The following EPB41L2 variants were observed in gnomAD, a reference collection of about 807,000 sequenced individuals.
The protein encoded by EPB41L2 is erythrocyte membrane protein band 4.1 like 2, also known as band 4.1-like protein 2.
EPB41L2 carries 43 observed loss-of-function variants against 113.0 expected under a neutral mutation model. The ratio of observed to expected loss-of-function variants is 0.38; its 90% CI spans 0.30 to 0.49. EPB41L2 has a LOEUF of 0.49. Among genes scored for constraint, EPB41L2 ranks in the 20% least tolerant of loss-of-function variants. The probability of loss-of-function intolerance (pLI) is 0.95; values close to 1 mark genes in which losing one functional copy is unlikely to be tolerated. For missense variants in EPB41L2, 1,147 were observed against 1,223.4 expected, an observed-to-expected ratio of 0.94 and a Z score of 0.93; for synonymous variants, 442 against 436.7, an observed-to-expected ratio of 1.01 and a Z score of -0.15.
intron 12 of EPB41L2, 51 bp from the exon 13 acceptor site, chr6:130,880,257 T>C (rs1442299382): frequency 8.3e-6 from 11 of 1,322,702 alleles, no homozygotes; most frequent in Non-Finnish European, 1.2e-5. Context: ...AACATAAGTG[T>C]ATCAATCAGC....
intron 1 of EPB41L2, among the ~76,000 whole-genome samples, chr6:130,998,670 T>C (rs1203495667): frequency 1.3e-5 from 2 of 152,100 alleles, no homozygotes; most frequent in Non-Finnish European, 2.9e-5. Flanking sequence ...AAAAACAACT[T>C]CAGCCATAGT....
chr6:130,872,320 ATC>A (rs1785999312), intron 14 of EPB41L2: 7 of 1,221,662 alleles, frequency 5.7e-6, no homozygotes, highest in African/African-American at 1.6e-5. Flanking sequence ...AAAAATGAAA[ATC>A]TCTCTCATAT....
chr6:130,880,014 C>A, intron 13 of EPB41L2, 130 bp downstream of exon 13: 2 of 647,054 alleles, frequency 3.1e-6, no homozygotes, highest in Non-Finnish European at 5.5e-6. Context: ...CATGCACTCC[C>A]GAGCTGAATT....
At chr6:131,007,372 G>C (rs953617880) in intron 1 of EPB41L2, among the ~76,000 whole-genome samples, 1 of 152,180 alleles carries the variant, frequency 6.6e-6, no homozygotes, top group Non-Finnish European at 1.5e-5. Context: ...ATGGAACTGT[G>C]AGTCAATTAA....
chr6:130,956,216 T>C lies in EPB41L2; in HGVS notation c.270A>G (p.Leu90=). 2 of 1,614,208 alleles carry C rather than the reference T, an allele frequency of 1.2e-6. No individual in the cohort carries two copies. Among genetic ancestry groups the C allele is most frequent in the South Asian group, 2.2e-5 (2 of 91,080 alleles). ...TATCTCCTCCATCTTTGGCCACTACTAAGGTATATGACTTTTGCTTCTTAA... is the reference window on the plus strand; with the variant it reads ...TATCTCCTCCATCTTTGGCCACTACCAAGGTATATGACTTTTGCTTCTTAA... The part of the protein sequence containing the change: ...PWLKKQKSYT[L]VVAKDGGDKK... The change falls in exon 2 of 20, where the codon TTA becomes TTG. Residue 90 remains leucine, a synonymous_variant. Transcript: ENST00000337057.
rs766143130 is a variant in EPB41L2, at chr6:130,869,886, C to T, written c.2284G>A (p.Val762Met). The T allele has an allele frequency of 6.2e-7, 1 of 1,612,862 alleles. No individual in the cohort carries two copies. Among genetic ancestry groups the T allele is most frequent in the African/African-American group, 1.3e-5 (1 of 74,868 alleles). ...TCCTCCCTGATGGTGCCCTCGGTCA[C>T]TCGGTGGTGGGGACGGTACTCTCCC... ...DVGEYRPHHRVTEGTIREEQE... is the reference protein window; with the variant it reads ...DVGEYRPHHRMTEGTIREEQE... The change falls in exon 15 of 20, where the codon GTG becomes ATG. Residue 762 changes from valine to methionine, a missense_variant. Val to Met is a conservative substitution (Grantham distance 21, BLOSUM62 1). Coordinates refer to ENST00000337057, the MANE Select transcript of EPB41L2 (RefSeq NM_001431.4).
At chr6:130,861,046 C>G (rs17059708) in intron 18 of EPB41L2, among the ~76,000 whole-genome samples, 3,521 of 152,054 alleles carry the variant, frequency 0.023, 150 homozygotes, top group African/African-American at 0.08. Context: ...TGAAAGTGTC[C>G]TTCCATTTTA....
chr6:130,904,930 TAAAA>T (rs1562448787), intron 5 of EPB41L2, among the ~76,000 whole-genome samples: 3 of 146,408 alleles, frequency 2.0e-5, no homozygotes, highest in Non-Finnish European at 1.5e-5. Flanking sequence ...TTTTTTTTTT[TAAAA>T]TTCAGGATTT....
At chr6:130,905,351 A>G (rs938198634) in intron 5 of EPB41L2, among the ~76,000 whole-genome samples, 2 of 152,138 alleles carry the variant, frequency 1.3e-5, no homozygotes, top group Non-Finnish European at 2.9e-5. Flanking sequence ...CACTAGCCTG[A>G]ATTTAGAGTT....
chr6:131,046,518 C>G (rs1425878335), intron 1 of EPB41L2, among the ~76,000 whole-genome samples: 2 of 152,168 alleles, frequency 1.3e-5, no homozygotes, highest in African/African-American at 2.4e-5. Flanking sequence ...TAAACACCTA[C>G]AAAAGTCTAT....
In EPB41L2 at chr6:130,870,119, T is replaced by C. The variant is rs1313571846; in HGVS notation, c.2051A>G (p.His684Arg). ...PLSLQTQGSS[H>R]ETLNIVEEKK... ...CTCCTCCACTATATTCAGAGTCTCA[T>C]GTGAACTCTGTACAAAAAAAGATGG... Residue 684 changes from histidine to arginine, a missense_variant, in exon 15 of 20, where the codon CAT becomes CGT. Coordinates refer to ENST00000337057, the MANE Select transcript of EPB41L2 (RefSeq NM_001431.4). The C allele has an allele frequency of 2.1e-5, 34 of 1,600,600 alleles. No individual in the cohort carries two copies. Among genetic ancestry groups the C allele is most frequent in the Non-Finnish European group, 2.8e-5 (33 of 1,173,032 alleles).
At chr6:131,052,623 A>G (rs1354443848) in intron 1 of EPB41L2, among the ~76,000 whole-genome samples, 3 of 152,230 alleles carry the variant, frequency 2.0e-5, no homozygotes, top group Non-Finnish European at 4.4e-5. Flanking sequence ...AAGAAAGTAC[A>G]TGTAATCAAA....
intron 14 of EPB41L2, among the ~76,000 whole-genome samples, chr6:130,876,135 T>C (rs1282241970): frequency 1.3e-5 from 2 of 152,070 alleles, no homozygotes; most frequent in Admixed American, 6.6e-5. Context: ...AGAATGAGGA[T>C]GTAAAAGCAA....
chr6:131,042,935 A>G (rs995326099), intron 1 of EPB41L2, among the ~76,000 whole-genome samples: 1 of 152,162 alleles, frequency 6.6e-6, no homozygotes, highest in African/African-American at 2.4e-5. Context: ...ATCTTCCCAA[A>G]TTTCTAAGTG....
intron 1 of EPB41L2, chr6:131,000,510 C>G (rs1001914893): frequency 1.3e-5 from 2 of 152,154 alleles, no homozygotes; most frequent in Non-Finnish European, 2.9e-5. Flanking sequence ...TAATGGCACC[C>G]TATGAAACAA....
rs750956932 is a variant in EPB41L2 at position 130,878,248 on chromosome 6, T to C, written c.1899A>G (p.Glu633=). Reference sequence around the variant, plus strand: ...GTATGTCCTCCTGGGCCTTATCCAGTTCCTAGCAATATGTAACGTAACAAA... The same window carrying C: ...GTATGTCCTCCTGGGCCTTATCCAGCTCCTAGCAATATGTAACGTAACAAA... ...YVRHSNLMLE[E]LDKAQEDILK... Residue 633 remains glutamate, a splice_region_variant and synonymous_variant, in exon 14 of 20, where the codon GAA becomes GAG. Transcript: ENST00000337057. The C allele has an allele frequency of 3.7e-6, 6 of 1,605,716 alleles. No individual in the cohort carries two copies. Among genetic ancestry groups the C allele is most frequent in the Non-Finnish European group, 5.1e-6 (6 of 1,177,266 alleles).
intron 1 of EPB41L2, among the ~76,000 whole-genome samples, chr6:131,005,081 T>C (rs544434147): frequency 9.2e-5 from 14 of 152,112 alleles, no homozygotes; most frequent in Non-Finnish European, 1.9e-4. Context: ...AATGCTAATA[T>C]AGATACATTT....
chr6:130,990,320 C>CA (rs920248327), intron 1 of EPB41L2, among the ~76,000 whole-genome samples: 1,466 of 126,662 alleles, frequency 0.012, 36 homozygotes, highest in African/African-American at 0.039. Flanking sequence ...GACTCTGTCT[C>CA]AAAAAAAAAA....
chr6:130,874,283 C>T lies in EPB41L2; in HGVS notation c.2043+3821G>A, dbSNP rs549700349. On this transcript the variant is annotated intron_variant, in intron 14 of 19. Transcript: ENST00000337057. The stretch of plus-strand genomic sequence containing the variant: ...TGTATTTTTTTTTTTTAAAAAGAAA[C>T]TATTCCTGCTTTTTTAAAAAGCTAT... 2.6e-5 allele frequency among the ~76,000 whole-genome samples: 4 copies of T among 151,400 alleles called. No homozygotes were observed. The South Asian group carries it at 8.4e-4, about 32-fold the overall frequency.
Sources: gnomAD v4.1 joint callset for allele counts (sites outside exome capture counted in the v4.1 genomes callset) on GRCh38, gnomAD v4.1.1 for gene constraint, MANE v1.5 for transcripts, NCBI Gene and HGNC (gene_info 2026-07-23, HGNC 2026-07-21) for gene names.